Variants in POLQ observed in about 807,000 individuals in gnomAD.
POLQ encodes the protein epididymis secretory sperm binding protein.
A neutral mutation model predicts 259.2 loss-of-function variants in POLQ; 233 were observed. That is an observed-to-expected ratio of 0.90 (90% CI 0.81 to 1.00). POLQ has a LOEUF of 1.00. Among genes scored for constraint, POLQ ranks in the 50% least tolerant of loss-of-function variants. POLQ has a pLI of 0.00. For missense variants in POLQ, 2,871 were observed against 3,051.6 expected, an observed-to-expected ratio of 0.94 and a Z score of 1.39; for synonymous variants, 1,025 against 1,048.8, an observed-to-expected ratio of 0.98 and a Z score of 0.44.
In POLQ at chr3:121,522,124, T is replaced by C; in HGVS notation, c.1134A>G (p.Pro378=). Residue 378 remains proline (P), a synonymous_variant, in exon 8 of 30, where the codon CCA becomes CCG. Transcript: ENST00000264233. ...GTTCTTTTTGTTCCAGAATTACTGG[T>C]GGGCATTCAGAGGGTTTCACCAATC... is the stretch of plus-strand genomic sequence containing the variant. ...AEGLVKPSEC[P]PVILEQKELL... The C allele has an allele frequency of 3.7e-6, 6 of 1,606,474 alleles. No individual in the cohort carries two copies. The highest frequency in any genetic ancestry group is 5.1e-6 in the Non-Finnish European group (6 of 1,177,962).
At chr3:121,529,850 G>A in intron 6 of POLQ, 58 bp from the exon 7 acceptor site, 2 of 1,319,602 alleles carry the variant, frequency 1.5e-6, no homozygotes, top group African/African-American at 3.0e-5. Flanking sequence ...TCTCACATCA[G>A]TTTAAAAGCA....
chr3:121,532,914 A>T (rs1461252220), intron 6 of POLQ, 76 bp downstream of exon 6: 1 of 937,698 alleles, frequency 1.1e-6, no homozygotes, highest in African/African-American at 1.6e-5. Context: ...ATCATTCAGA[A>T]TTTGTTAGCA....
intron 12 of POLQ, among the ~76,000 whole-genome samples, chr3:121,509,157 A>T (rs1305960409): frequency 6.6e-6 from 1 of 152,186 alleles, no homozygotes; most frequent in Non-Finnish European, 1.5e-5. Flanking sequence ...AGTTGCTAGA[A>T]AACCCAGAAT....
chr3:121,544,300 C>A (rs887883212), intron 2 of POLQ, among the ~76,000 whole-genome samples: 1 of 152,040 alleles, frequency 6.6e-6, no homozygotes, highest in Non-Finnish European at 1.5e-5. Context: ...TTGCAGTAAG[C>A]CCACATAGCG....
intron 14 of POLQ, chr3:121,494,054 A>C: frequency 1.6e-6 from 1 of 627,680 alleles, no homozygotes; most frequent in Non-Finnish European, 2.8e-6. Flanking sequence ...TCTCTTTCTT[A>C]AGCAAAAGAG....
intron 16 of POLQ, among the ~76,000 whole-genome samples, chr3:121,486,939 G>C (rs1423532426): frequency 6.7e-6 from 1 of 150,292 alleles, no homozygotes; most frequent in East Asian, 2.0e-4. Context: ...AGAAAAGAAA[G>C]GAGAAAAAGA....
chr3:121,468,177 C>T (rs2047854027), intron 23 of POLQ, 128 bp downstream of exon 23: 3 of 720,986 alleles, frequency 4.2e-6, no homozygotes, highest in Non-Finnish European at 6.6e-6. Flanking sequence ...TCAAAACGGT[C>T]TAGGACAGAA....
rs775063057 is a variant in POLQ at position 121,519,918 on chromosome 3, T to C, written c.1421A>G (p.Tyr474Cys). 6 of 1,610,556 alleles carry C rather than the reference T, an allele frequency of 3.7e-6. No homozygotes were observed. Among genetic ancestry groups the C allele is most frequent in the African/African-American group, 2.7e-5 (2 of 74,820 alleles). The part of the protein sequence containing the change: ...FGGRPLDILT[Y>C]KQMVGRAGRK... ...GCCAGCACGGCCAACCATCTGCTTA[T>C]AAGTAAGAATATCTAGAGGTCGACC... Residue 474 changes from tyrosine (Y) to cysteine (C), a missense_variant, in exon 9 of 30, where the codon TAT (tyrosine) becomes TGT (cysteine). This residue lies in a region of POLQ where 783 missense variants were observed against 906.2 expected (regional missense o/e 0.86). Transcript: ENST00000264233.
intron 25 of POLQ, among the ~76,000 whole-genome samples, chr3:121,454,411 T>C (rs1576402344): frequency 6.6e-6 from 1 of 152,196 alleles, no homozygotes; most frequent in East Asian, 1.9e-4. Flanking sequence ...ATGGACTAAA[T>C]GCTCCAATTA....
intron 12 of POLQ, among the ~76,000 whole-genome samples, chr3:121,502,065 C>T (rs987064884): frequency 2.0e-5 from 3 of 151,236 alleles, no homozygotes; most frequent in African/African-American, 4.9e-5. Context: ...AACCATATTT[C>T]AATTCCAAAC....
chr3:121,450,380 T>G (rs1322174276), intron 25 of POLQ, among the ~76,000 whole-genome samples: 3 of 152,042 alleles, frequency 2.0e-5, no homozygotes, highest in African/African-American at 7.3e-5. Flanking sequence ...ATTTATTTTT[T>G]TTATTATACT....
In POLQ at chr3:121,460,267, CAA is replaced by C. The variant is rs778195417; in HGVS notation, c.6968-35_6968-34del. On this transcript the variant is annotated intron_variant, in intron 24 of 29. Transcript: ENST00000264233. ...AGAAGTGATTTCAGAAAAGCTAGTA[CAA>C]AGTTTCTATATCACACAATCCAAGT... The C allele has an allele frequency of 6.5e-6, 10 of 1,528,002 alleles. No individual in the cohort carries two copies. The African/African-American group carries it at 1.2e-4, about 19-fold the overall frequency. The allele number at this position is 1,528,002 out of a possible 1,614,324, so 94.7% of individuals were successfully genotyped here.
chr3:121,527,684 A>G (rs947564167), intron 7 of POLQ, among the ~76,000 whole-genome samples: 10 of 152,228 alleles, frequency 6.6e-5, no homozygotes, highest in African/African-American at 2.2e-4. Flanking sequence ...ACCTCAACTT[A>G]TGGTACATAG....
chr3:121,488,466 A>G lies in POLQ; in HGVS notation c.4465T>C (p.Leu1489=). 2 of 1,609,648 alleles carry G rather than the reference A, an allele frequency of 1.2e-6. No individual in the cohort carries two copies. Among genetic ancestry groups the G allele is most frequent in the Non-Finnish European group, 1.7e-6 (2 of 1,178,296 alleles). Residue 1489 remains leucine (L), a synonymous_variant, in exon 16 of 30, where the codon TTA becomes CTA. Transcript: ENST00000264233. Reference sequence around the variant, plus strand: ...TCATCACTGAAGCTATCAAATAGTAAACTATCACTCATATTCAAACTTGTT... The same window carrying G: ...TCATCACTGAAGCTATCAAATAGTAGACTATCACTCATATTCAAACTTGTT... The part of the protein sequence containing the change: ...PETSLNMSDS[L]LFDSFSDDYL...
chr3:121,511,373 G>A (rs2048254262), intron 10 of POLQ, among the ~76,000 whole-genome samples: 1 of 151,958 alleles, frequency 6.6e-6, no homozygotes, highest in Admixed American at 6.6e-5. Flanking sequence ...ACTCCAGCCT[G>A]GCAACAGAGC....
At position 121,496,661 on chromosome 3, in the gene POLQ, T is replaced by C. The variant is rs2048126772; in HGVS notation, c.2278+147A>G. On this transcript the variant is annotated intron_variant, in intron 14 of 29. Coordinates refer to ENST00000264233, the MANE Select transcript of POLQ (RefSeq NM_199420.4). Reference sequence around the variant, plus strand: ...ACTGAGCCCTGAGGAGCCATAGTTTTGAATTTTCTGATGATGACAAGAACT... The same window carrying C: ...ACTGAGCCCTGAGGAGCCATAGTTTCGAATTTTCTGATGATGACAAGAACT... 7.8e-6 allele frequency: 6 copies of C among 770,896 alleles called. No homozygotes were observed. In the Admixed American group the frequency reaches 1.9e-4, roughly 24 times the overall value. 47.8% of individuals were successfully genotyped at this position (770,896 alleles called of 1,614,324 possible). A position where few individuals can be genotyped will look rare whatever the true frequency, so the allele number is the denominator to read the frequency against.
Position 121,487,896 on chromosome 3 carries a change from G to C in POLQ, c.5035C>G (p.Gln1679Glu), listed in dbSNP as rs377549311. 13 of 1,607,774 alleles carry C rather than the reference G, an allele frequency of 8.1e-6. No homozygotes were observed. Among genetic ancestry groups the C allele is most frequent in the Non-Finnish European group, 1.0e-5 (12 of 1,176,930 alleles). The change falls in exon 16 of 30, where the codon CAA becomes GAA. Residue 1679 changes from glutamine (Q) to glutamate (E), a missense_variant. Gln to Glu is a conservative substitution (Grantham distance 29). This residue lies in a region of POLQ where 2,080 missense variants were observed against 2,126.0 expected (regional missense o/e 0.98). Coordinates refer to ENST00000264233, the MANE Select transcript of POLQ (RefSeq NM_199420.4). ...GTCTCCAAGTTTGAAATAACTTCTT[G>C]TTCTTCATTTAACTCTGTATTTTTT... ...NRKNTELNEE[Q>E]EVISNLETKQ...
chr3:121,485,360 A>G (rs564995686), intron 16 of POLQ, among the ~76,000 whole-genome samples, 176 bp from the exon 17 acceptor site: 1 of 152,338 alleles, frequency 6.6e-6, no homozygotes, highest in Non-Finnish European at 1.5e-5. Context: ...CTTCCCATCA[A>G]TTAAGATAAC....
At chr3:121,435,323 G>A (rs2047533812) in intron 28 of POLQ, among the ~76,000 whole-genome samples, 1 of 151,976 alleles carries the variant, frequency 6.6e-6, no homozygotes, top group African/African-American at 2.4e-5. Context: ...GAAAACTCAG[G>A]GAAAATATTC....
Sources: gnomAD v4.1 joint callset for allele counts (sites outside exome capture counted in the v4.1 genomes callset) on GRCh38, gnomAD v4.1.1 for gene constraint, gnomAD v4.1.1 regional missense constraint, MANE v1.5 for transcripts, NCBI Gene and HGNC (gene_info 2026-07-23, HGNC 2026-07-21) for gene names.